The following CTNNA3 variants were observed in gnomAD, a reference collection of about 807,000 sequenced individuals.
CTNNA3 encodes the protein catenin alpha-3.
CTNNA3 carries 76 observed loss-of-function variants against 95.7 expected under a neutral mutation model. The ratio of observed to expected loss-of-function variants is 0.79; its 90% CI spans 0.66 to 0.96. The LOEUF (loss-of-function observed/expected upper bound fraction) is 0.96. Ranked by LOEUF, CTNNA3 falls within the 40% of genes least tolerant of loss-of-function variation. CTNNA3 has a pLI of 0.00. For synonymous variants in CTNNA3, 431 were observed against 374.4 expected, an observed-to-expected ratio of 1.15 and a Z score of -1.74; for missense variants, 1,191 against 1,089.8, an observed-to-expected ratio of 1.09 and a Z score of -1.31.
intron 7 of CTNNA3, among the ~76,000 whole-genome samples, chr10:66,802,469 A>AT (rs1841467221): frequency 6.6e-6 from 1 of 151,874 alleles, no homozygotes; most frequent in Non-Finnish European, 1.5e-5. Flanking sequence ...GAATGGCTAA[A>AT]ATTAAAAAGA....
chr10:66,878,090 G>A (rs567159838), intron 7 of CTNNA3, among the ~76,000 whole-genome samples: 1 of 152,194 alleles, frequency 6.6e-6, no homozygotes, highest in African/African-American at 2.4e-5. Context: ...CAATAGCTTG[G>A]ATACATTAAA....
At chr10:66,591,281 A>AT (rs886286937) in intron 10 of CTNNA3, among the ~76,000 whole-genome samples, 1 of 152,024 alleles carries the variant, frequency 6.6e-6, no homozygotes. Flanking sequence ...TATAAAACAT[A>AT]TTTTTCCCCC....
At position 66,621,802 on chromosome 10, in the gene CTNNA3, A is replaced by G. The variant is rs374341741; in HGVS notation, c.1282-18T>C. The G allele has an allele frequency of 2.9e-5, 43 of 1,504,030 alleles. No homozygotes were observed. The African/African-American group carries it at 5.7e-4, about 20-fold the overall frequency. The allele number at this position is 1,504,030 out of a possible 1,614,324, so 93.2% of individuals were successfully genotyped here. A position where few individuals can be genotyped will look rare whatever the true frequency, so the allele number is the denominator to read the frequency against. Reference sequence around the variant, plus strand: ...TTTGCCACCTTAAATACAATCCAAAATAATGGAAATTATTTTAGATTAGCA... The same window carrying G: ...TTTGCCACCTTAAATACAATCCAAAGTAATGGAAATTATTTTAGATTAGCA... On this transcript the variant is annotated intron_variant, in intron 9 of 17. Coordinates refer to ENST00000433211, the MANE Select transcript of CTNNA3 (RefSeq NM_013266.4).
chr10:66,231,631 C>T (rs1589800853), intron 13 of CTNNA3, among the ~76,000 whole-genome samples: 1 of 152,202 alleles, frequency 6.6e-6, no homozygotes, highest in South Asian at 2.1e-4. Context: ...ACATTCATTT[C>T]AGGGTAAAGG....
chr10:66,195,456 G>A (rs2086903292), intron 13 of CTNNA3, among the ~76,000 whole-genome samples: 1 of 151,040 alleles, frequency 6.6e-6, no homozygotes, highest in East Asian at 2.0e-4. Flanking sequence ...TATTATTGCA[G>A]ACTAATTCAT....
chr10:67,412,256 C>T (rs1423360568), intron 5 of CTNNA3, among the ~76,000 whole-genome samples: 1 of 152,056 alleles, frequency 6.6e-6, no homozygotes, highest in Non-Finnish European at 1.5e-5. Flanking sequence ...TGACTACATG[C>T]ATGTCTTTGC....
At chr10:67,726,446 A>ATATTAT (rs1483078483) in intron 1 of CTNNA3, among the ~76,000 whole-genome samples, 1 of 18,042 alleles carries the variant, frequency 5.5e-5, no homozygotes, top group Non-Finnish European at 1.8e-4. Flanking sequence ...TATAATATAT[A>ATATTAT]ATATTATATA....
chr10:67,559,862 C>T lies in CTNNA3; in HGVS notation c.293-20193G>A, dbSNP rs1012105439. 6.6e-5 allele frequency among the ~76,000 whole-genome samples: 10 copies of T among 151,924 alleles called. No homozygotes were observed. In the East Asian group the frequency reaches 1.5e-3, roughly 23 times the overall value. On this transcript the variant is annotated intron_variant, in intron 3 of 17. Coordinates refer to ENST00000433211, the MANE Select transcript of CTNNA3 (RefSeq NM_013266.4). ...AATGCAGAAGCCTCAGGAGCCGATG[C>T]GATCAACTGGAAGAAAGGGTATCAG...
intron 13 of CTNNA3, among the ~76,000 whole-genome samples, chr10:66,176,865 G>A (rs1589644402): frequency 1.3e-5 from 2 of 151,794 alleles, no homozygotes; most frequent in East Asian, 3.9e-4. Flanking sequence ...AACAGACTAA[G>A]GCAGAGGCTT....
chr10:67,334,345 T>G (rs909293005), intron 5 of CTNNA3: 3 of 153,610 alleles, frequency 2.0e-5, no homozygotes, highest in African/African-American at 7.2e-5. Flanking sequence ...TGAAAGTGCC[T>G]CCTGCAATTA....
intron 13 of CTNNA3, among the ~76,000 whole-genome samples, chr10:66,115,996 A>AGT (rs199546112): frequency 3.3e-4 from 50 of 151,740 alleles, no homozygotes; most frequent in Non-Finnish European, 5.6e-4. Flanking sequence ...CTACACTGCT[A>AGT]AATTAAAGTA....
At chr10:66,447,650 C>G (rs1463639784) in intron 11 of CTNNA3, among the ~76,000 whole-genome samples, 1 of 152,106 alleles carries the variant, frequency 6.6e-6, no homozygotes, top group Admixed American at 6.6e-5. Flanking sequence ...GGATCCCTTC[C>G]TTACACCTTA....
chr10:66,754,896 A>G lies in CTNNA3; in HGVS notation c.1281+11368T>C, dbSNP rs117087565. On this transcript the variant is annotated intron_variant, in intron 9 of 17. Coordinates refer to ENST00000433211, the MANE Select transcript of CTNNA3 (RefSeq NM_013266.4). ...CCTGGCACCACTGAAAAACAGCTTA[A>G]TGGTTTCTCTAACTGTTAAACATAG... is the stretch of plus-strand genomic sequence containing the variant. Among the ~76,000 whole-genome samples the G allele has an allele frequency of 5.4e-3, 824 of 152,282 alleles. 2 individuals are homozygous for G. The highest frequency in any genetic ancestry group is 0.015 in the Admixed American group (229 of 15,296).
At chr10:66,045,466 T>G (rs1281641814) in intron 15 of CTNNA3, among the ~76,000 whole-genome samples, 1 of 152,218 alleles carries the variant, frequency 6.6e-6, no homozygotes, top group Admixed American at 6.5e-5. Context: ...ACAAAAATGT[T>G]ACTGATTGTT....
chr10:67,428,385 C>T (rs572549779), intron 5 of CTNNA3, among the ~76,000 whole-genome samples: 40 of 152,026 alleles, frequency 2.6e-4, no homozygotes, highest in African/African-American at 9.6e-4. Context: ...ATGAACAAAT[C>T]ATTTTAAAAT....
chr10:66,237,299 C>T (rs2089900804), intron 13 of CTNNA3, among the ~76,000 whole-genome samples: 1 of 152,108 alleles, frequency 6.6e-6, no homozygotes, highest in Non-Finnish European at 1.5e-5. Flanking sequence ...AGGTTTGTGC[C>T]TTCCCAATTT....
intron 5 of CTNNA3, among the ~76,000 whole-genome samples, chr10:67,429,885 A>T (rs1239469901): frequency 1.3e-5 from 2 of 151,980 alleles, no homozygotes; most frequent in African/African-American, 2.4e-5. Flanking sequence ...AGCACTTAAA[A>T]GAGAAACAAA....
intron 11 of CTNNA3, among the ~76,000 whole-genome samples, chr10:66,385,999 G>C (rs878922231): frequency 6.6e-6 from 1 of 152,100 alleles, no homozygotes; most frequent in African/African-American, 2.4e-5. Flanking sequence ...TACTGAATGG[G>C]CAAAAACTGG....
intron 10 of CTNNA3, among the ~76,000 whole-genome samples, chr10:66,604,788 C>CAA (rs56886409): frequency 0.34 from 46,471 of 135,664 alleles, 8,546 homozygotes; most frequent in Middle Eastern, 0.56. Context: ...AGGATAAAAG[C>CAA]AAAAAAAAAA....
Sources: gnomAD v4.1 joint callset for allele counts (sites outside exome capture counted in the v4.1 genomes callset) on GRCh38, gnomAD v4.1.1 for gene constraint, MANE v1.5 for transcripts, NCBI Gene and HGNC (gene_info 2026-07-23, HGNC 2026-07-21) for gene names.